The following ANK3 variants were observed in gnomAD, a reference collection of about 807,000 sequenced individuals.
ANK3 encodes the protein ankyrin-3.
ANK3 carries 57 observed loss-of-function variants against 370.9 expected under a neutral mutation model. That is an observed-to-expected ratio of 0.15 (90% CI 0.12 to 0.19). The LOEUF is 0.19. ANK3 is among the 10% of genes least tolerant of loss of function. ANK3 has a pLI of 1.00. For synonymous variants in ANK3, 1,929 were observed against 1,946.3 expected, an observed-to-expected ratio of 0.99 and a Z score of 0.23; for missense variants, 4,439 against 5,302.1, an observed-to-expected ratio of 0.84 and a Z score of 5.06.
intron 1 of ANK3, among the ~76,000 whole-genome samples, chr10:60,328,181 C>A (rs1172244501): frequency 6.6e-6 from 1 of 152,086 alleles, no homozygotes; most frequent in Non-Finnish European, 1.5e-5. Context: ...TGAGAGACAA[C>A]AATTGAAACA....
chr10:60,661,462 G>A (rs1204362582), intron 1 of ANK3, among the ~76,000 whole-genome samples: 1 of 152,010 alleles, frequency 6.6e-6, no homozygotes, highest in Admixed American at 6.6e-5. Flanking sequence ...CAGATTATAA[G>A]GGCCTAATCA....
intron 2 of ANK3, among the ~76,000 whole-genome samples, chr10:60,561,549 A>G (rs2077334683): frequency 6.6e-6 from 1 of 152,266 alleles, no homozygotes; most frequent in South Asian, 2.1e-4. Flanking sequence ...GGTATCATGT[A>G]TCCCCAGCTA....
intron 1 of ANK3, among the ~76,000 whole-genome samples, chr10:60,657,181 G>C (rs567539365): frequency 6.6e-6 from 1 of 152,122 alleles, no homozygotes. Flanking sequence ...ATTAGATCTC[G>C]TGAGACTTAT....
chr10:60,245,394 A>T (rs1565954708), intron 7 of ANK3, among the ~76,000 whole-genome samples: 2 of 152,120 alleles, frequency 1.3e-5, no homozygotes, highest in South Asian at 2.1e-4. Context: ...CAATTCAGTG[A>T]TTTTTTTATT....
chr10:60,639,771 T>A (rs2078604743), intron 1 of ANK3, among the ~76,000 whole-genome samples: 1 of 151,958 alleles, frequency 6.6e-6, no homozygotes, highest in Non-Finnish European at 1.5e-5. Flanking sequence ...TTAAAAATAG[T>A]CATTTCTAAA....
chr10:60,499,606 A>G (rs1380226613), intron 2 of ANK3, among the ~76,000 whole-genome samples: 1 of 152,204 alleles, frequency 6.6e-6, no homozygotes, highest in African/African-American at 2.4e-5. Flanking sequence ...TACTTAACAC[A>G]CAATGTTTCG....
intron 2 of ANK3, among the ~76,000 whole-genome samples, chr10:60,397,312 A>T (rs904619497): frequency 6.6e-6 from 1 of 152,228 alleles, no homozygotes; most frequent in Non-Finnish European, 1.5e-5. Flanking sequence ...CATATCCACC[A>T]TGCAGAAATT....
At chr10:60,637,655 G>A (rs2078573241) in intron 1 of ANK3, among the ~76,000 whole-genome samples, 1 of 152,076 alleles carries the variant, frequency 6.6e-6, no homozygotes. Flanking sequence ...AAAAATAAGG[G>A]AAGAATTAAA....
At chr10:60,696,249 G>C in intron 1 of ANK3, among the ~76,000 whole-genome samples, 1 of 149,932 alleles carries the variant, frequency 6.7e-6, no homozygotes. Flanking sequence ...CTGAAATTGT[G>C]GCAATAATCA....
chr10:60,556,881 T>C (rs574033660), intron 2 of ANK3, among the ~76,000 whole-genome samples: 32 of 152,242 alleles, frequency 2.1e-4, no homozygotes, highest in South Asian at 1.2e-3. Flanking sequence ...CTGCCTGAGC[T>C]CCACCTCCTG....
chr10:60,127,603 A>AT (rs1211991940), intron 25 of ANK3, among the ~76,000 whole-genome samples: 1 of 152,168 alleles, frequency 6.6e-6, no homozygotes, highest in African/African-American at 2.4e-5. Context: ...AATATTTGTA[A>AT]ACTGATGTCA....
chr10:60,211,892 C>CAA (rs72238553), intron 9 of ANK3, among the ~76,000 whole-genome samples: 420 of 93,338 alleles, frequency 4.5e-3, no homozygotes, highest in African/African-American at 0.018. Context: ...AATACAGAGC[C>CAA]AAAAAAAAAA....
intron 2 of ANK3, among the ~76,000 whole-genome samples, chr10:60,522,101 T>C (rs961552614): frequency 1.3e-5 from 2 of 152,054 alleles, no homozygotes; most frequent in Admixed American, 1.3e-4. Flanking sequence ...ATGTGAGCAG[T>C]TTTCAGAAAT....
At chr10:60,314,948 A>G (rs1321729758) in intron 1 of ANK3, among the ~76,000 whole-genome samples, 1 of 152,258 alleles carries the variant, frequency 6.6e-6, no homozygotes, top group Non-Finnish European at 1.5e-5. Context: ...TTAAGTCTAA[A>G]GGTAAAGTTC....
chr10:60,499,868 A>G (rs989927042), intron 2 of ANK3, among the ~76,000 whole-genome samples: 26 of 152,356 alleles, frequency 1.7e-4, no homozygotes, highest in African/African-American at 6.0e-4. Flanking sequence ...CAACACCAGG[A>G]CAATCTGCTT....
chr10:60,396,780 C>T (rs548281545), intron 2 of ANK3, among the ~76,000 whole-genome samples: 84 of 152,266 alleles, frequency 5.5e-4, no homozygotes, highest in African/African-American at 1.1e-3. Context: ...ATAGCTCTTA[C>T]GCCAACTTTG....
In ANK3 at chr10:60,028,932, T is replaced by C. The variant is rs2072683927; in HGVS notation, c.*914A>G. 6.6e-6 allele frequency: 1 copy of C among 152,580 alleles called. No individual in the cohort carries two copies. Among genetic ancestry groups the C allele is most frequent in the East Asian group, 1.9e-4 (1 of 5,196 alleles). The allele number at this position is 152,580 out of a possible 1,614,324, so 9.5% of individuals were successfully genotyped here. A position where few individuals can be genotyped will look rare whatever the true frequency, so the allele number is the denominator to read the frequency against. ...AACAAATATTAGATGAAGGGCTTTG[T>C]GTTTACAGATAAAATCTTTTGTGTT... On this transcript the variant is annotated 3_prime_UTR_variant, in exon 44 of 44. Transcript: ENST00000280772.
intron 1 of ANK3, among the ~76,000 whole-genome samples, chr10:60,308,048 A>G (rs1280985852): frequency 6.6e-6 from 1 of 152,214 alleles, no homozygotes; most frequent in Non-Finnish European, 1.5e-5. Flanking sequence ...TGACACAGAC[A>G]TTATTCAAAG....
chr10:60,593,183 C>A (rs1595332270), intron 2 of ANK3, among the ~76,000 whole-genome samples: 1 of 152,172 alleles, frequency 6.6e-6, no homozygotes, highest in Non-Finnish European at 1.5e-5. Context: ...GTGAATACAG[C>A]AATTAATCTT....
Sources: allele counts gnomAD v4.1 joint callset (sites outside exome capture counted in the v4.1 genomes callset), GRCh38; gene constraint gnomAD v4.1.1; transcripts MANE v1.5; gene names NCBI Gene and HGNC (gene_info 2026-07-23, HGNC 2026-07-21).